Variants in XPR1 observed in about 807,000 individuals in gnomAD.
XPR1 encodes the protein solute carrier family 53 member 1.
XPR1 carries 28 observed loss-of-function variants against 87.5 expected under a neutral mutation model. The observed-to-expected ratio is 0.32, with a 90% CI of 0.24 to 0.44. XPR1 has a LOEUF of 0.44. Among genes scored for constraint, XPR1 ranks in the 20% least tolerant of loss-of-function variants. The probability of loss-of-function intolerance (pLI) is 1.00; values close to 1 mark genes in which losing one functional copy is unlikely to be tolerated. For missense variants in XPR1, 559 were observed against 862.3 expected, an observed-to-expected ratio of 0.65 and a Z score of 4.41; for synonymous variants, 300 against 306.1, an observed-to-expected ratio of 0.98 and a Z score of 0.21.
intron 2 of XPR1, among the ~76,000 whole-genome samples, chr1:180,756,786 A>G (rs1167253167): frequency 2.6e-5 from 4 of 152,208 alleles, no homozygotes; most frequent in Non-Finnish European, 4.4e-5. Context: ...AATGAAAACG[A>G]TACTGGAAAA....
intron 6 of XPR1, among the ~76,000 whole-genome samples, chr1:180,809,259 G>T (rs1243463118): frequency 6.6e-6 from 1 of 152,134 alleles, no homozygotes; most frequent in Non-Finnish European, 1.5e-5. Flanking sequence ...GAATAGAGTG[G>T]GGTAGGGTAG....
intron 11 of XPR1, among the ~76,000 whole-genome samples, chr1:180,839,209 A>G (rs1360891459): frequency 6.6e-6 from 1 of 152,178 alleles, no homozygotes; most frequent in Admixed American, 6.5e-5. Flanking sequence ...ATCAATAAAT[A>G]TTTTTAGTAA....
intron 2 of XPR1, among the ~76,000 whole-genome samples, chr1:180,709,971 T>C (rs901872497): frequency 1.3e-5 from 2 of 151,836 alleles, no homozygotes; most frequent in African/African-American, 2.4e-5. Flanking sequence ...AATAGCGTGA[T>C]CTCAGCTCAC....
chr1:180,813,234 TG>T (rs1329632916), intron 7 of XPR1, among the ~76,000 whole-genome samples: 1 of 152,210 alleles, frequency 6.6e-6, no homozygotes, highest in Non-Finnish European at 1.5e-5. Flanking sequence ...ACCACACTTG[TG>T]TTAGTACTTC....
At chr1:180,703,573 A>G (rs1360427643) in intron 2 of XPR1, among the ~76,000 whole-genome samples, 2 of 152,214 alleles carry the variant, frequency 1.3e-5, no homozygotes, top group African/African-American at 4.8e-5. Flanking sequence ...TCCTGATGAC[A>G]GGCGCAGCTA....
At chr1:180,829,256 G>A (rs1000585825) in intron 9 of XPR1, among the ~76,000 whole-genome samples, 12 of 152,262 alleles carry the variant, frequency 7.9e-5, no homozygotes, top group South Asian at 4.1e-4. Flanking sequence ...TAATAATTTA[G>A]TGGCTTTTTT....
At position 180,845,847 on chromosome 1, in the gene XPR1, G is replaced by A. The variant is rs570392372; in HGVS notation, c.1501+9131G>A. On this transcript the variant is annotated intron_variant, in intron 11 of 14. Coordinates refer to ENST00000367590, the MANE Select transcript of XPR1 (RefSeq NM_004736.4). Reference sequence around the variant, plus strand: ...AATAATTTCTCTCTGCCAGAAAATCGAAAGTCATTCTTGAATTGGAGGGAA... The same window carrying A: ...AATAATTTCTCTCTGCCAGAAAATCAAAAGTCATTCTTGAATTGGAGGGAA... Among the ~76,000 whole-genome samples, 266 of 152,280 alleles carry A rather than the reference G, an allele frequency of 1.7e-3. 1 individual carries two copies. The highest frequency in any genetic ancestry group is 6.2e-3 in the African/African-American group (259 of 41,556).
intron 2 of XPR1, among the ~76,000 whole-genome samples, chr1:180,771,879 C>T (rs992969739): frequency 2.6e-5 from 4 of 152,094 alleles, no homozygotes; most frequent in Non-Finnish European, 5.9e-5. Flanking sequence ...CAAGTTTCTC[C>T]ATGGTAAAGT....
chr1:180,839,730 T>C (rs1041356365), intron 11 of XPR1, among the ~76,000 whole-genome samples: 1 of 152,206 alleles, frequency 6.6e-6, no homozygotes, highest in Non-Finnish European at 1.5e-5. Context: ...GAGGGGGGCT[T>C]ATATACCATT....
chr1:180,818,269 G>A (rs1377207574), intron 7 of XPR1, among the ~76,000 whole-genome samples: 2 of 150,698 alleles, frequency 1.3e-5, no homozygotes, highest in African/African-American at 4.9e-5. Context: ...AAGTGAGTTG[G>A]CAACTTAATA....
Position 180,884,050 on chromosome 1 carries a change from A to G in XPR1, c.2075A>G (p.Asp692Gly), listed in dbSNP as rs1652929612. The change falls in exon 15 of 15, where the codon GAT (aspartate) becomes GGT (glycine). Residue 692 changes from aspartate to glycine, a missense_variant. Asp to Gly is a moderately conservative substitution (Grantham distance 94). Transcript: ENST00000367590. The stretch of plus-strand genomic sequence containing the variant: ...AAGGTATTGATAGAAGACACAGATG[A>G]TGAAGCTAACACTTGAATTTTCTGA... ...DTKVLIEDTDDEANT is the reference protein window; with the variant it reads ...DTKVLIEDTDGEANT 1 of 1,613,954 alleles carries G rather than the reference A, an allele frequency of 6.2e-7. No homozygotes were observed. The highest frequency in any genetic ancestry group is 8.5e-7 in the Non-Finnish European group (1 of 1,179,984).
intron 2 of XPR1, among the ~76,000 whole-genome samples, chr1:180,686,727 A>G (rs1023075445): frequency 6.6e-6 from 1 of 152,202 alleles, no homozygotes; most frequent in Admixed American, 6.6e-5. Flanking sequence ...ACCAAATTCT[A>G]TGAAGTTATT....
intron 1 of XPR1, among the ~76,000 whole-genome samples, chr1:180,647,271 C>T (rs1655149848): frequency 6.6e-6 from 1 of 152,238 alleles, no homozygotes; most frequent in Non-Finnish European, 1.5e-5. Flanking sequence ...CCACTGCTCA[C>T]CTCCTGCTTT....
intron 7 of XPR1, among the ~76,000 whole-genome samples, chr1:180,823,968 A>G (rs1416429649): frequency 1.3e-5 from 2 of 152,356 alleles, no homozygotes; most frequent in East Asian, 3.8e-4. Context: ...TTTATATGAC[A>G]TTTAAATTTT....
At chr1:180,746,252 AT>A (rs1482906610) in intron 2 of XPR1, among the ~76,000 whole-genome samples, 1 of 151,858 alleles carries the variant, frequency 6.6e-6, no homozygotes, top group Non-Finnish European at 1.5e-5. Context: ...AGTGTGTAGT[AT>A]TTTATCCCTC....
intron 2 of XPR1, among the ~76,000 whole-genome samples, chr1:180,719,339 G>A (rs1268832517): frequency 6.6e-6 from 1 of 152,158 alleles, no homozygotes; most frequent in African/African-American, 2.4e-5. Context: ...AAAAAAGTTG[G>A]AAGTATATTT....
At chr1:180,855,091 C>T (rs755098305) in intron 11 of XPR1, among the ~76,000 whole-genome samples, 1 of 152,114 alleles carries the variant, frequency 6.6e-6, no homozygotes, top group Non-Finnish European at 1.5e-5. Flanking sequence ...GATGTGAGAT[C>T]TTTCTGTGAA....
chr1:180,771,283 T>C (rs76513718), intron 2 of XPR1, among the ~76,000 whole-genome samples: 6,530 of 149,362 alleles, frequency 0.044, 498 homozygotes, highest in African/African-American at 0.15. Flanking sequence ...TTTGAATTGG[T>C]TTTTTTTTTA....
At chr1:180,761,694 C>T (rs1283617319) in intron 2 of XPR1, among the ~76,000 whole-genome samples, 1 of 152,070 alleles carries the variant, frequency 6.6e-6, no homozygotes, top group African/African-American at 2.4e-5. Context: ...TAGTTCAACC[C>T]TTGTGGAAGT....
Sources: gnomAD v4.1 joint callset for allele counts (sites outside exome capture counted in the v4.1 genomes callset) on GRCh38, gnomAD v4.1.1 for gene constraint, MANE v1.5 for transcripts, NCBI Gene and HGNC (gene_info 2026-07-23, HGNC 2026-07-21) for gene names.